CNTN4: variants seen among roughly 807,000 people sequenced by gnomAD.
The protein encoded by CNTN4 is contactin-4.
In CNTN4, 77 loss-of-function variants were observed where a neutral mutation model predicts 122.5. The ratio of observed to expected loss-of-function variants is 0.63; its 90% CI spans 0.52 to 0.76. The LOEUF is 0.76. Among genes scored for constraint, CNTN4 ranks in the 30% least tolerant of loss-of-function variants. The pLI, the probability that CNTN4 is intolerant of heterozygous loss-of-function variation, is 0.00. For synonymous variants in CNTN4, 512 were observed against 447.0 expected (o/e 1.15, Z -1.83); for missense variants, 1,256 against 1,259.1 (o/e 1.00, Z 0.04).
chr3:2,449,614 CAAAAAA>C (rs34181793), intron 3 of CNTN4, among the ~76,000 whole-genome samples: 2 of 126,034 alleles, frequency 1.6e-5, no homozygotes, highest in Non-Finnish European at 1.7e-5. Flanking sequence ...GACTCCATCT[CAAAAAA>C]AAAAAAAAAA....
rs376891716 is a variant in CNTN4 at position 2,565,197 on chromosome 3, C to G, written c.-88-6219C>G. On this transcript the variant is annotated intron_variant, in intron 3 of 24. Coordinates refer to ENST00000418658, the MANE Select transcript of CNTN4 (RefSeq NM_175607.3). ...CCTCTTGTTTAATAGATGTAGCTTC[C>G]CGAATATATCATCCAGGTCCCTTAT... 7.9e-5 allele frequency among the ~76,000 whole-genome samples: 12 copies of G among 152,164 alleles called. No homozygotes were observed. The East Asian group carries it at 1.7e-3, about 22-fold the overall frequency.
intron 3 of CNTN4, among the ~76,000 whole-genome samples, chr3:2,396,351 A>G (rs1176341089): frequency 2.0e-5 from 3 of 152,158 alleles, no homozygotes; most frequent in South Asian, 2.1e-4. Context: ...ATGAAGGATA[A>G]TGAGACATAA....
intron 7 of CNTN4, among the ~76,000 whole-genome samples, chr3:2,823,787 C>T (rs190897308): frequency 6.6e-5 from 10 of 152,272 alleles, no homozygotes; most frequent in Middle Eastern, 3.4e-3. Context: ...TCCTCACAAA[C>T]TGTTCATCAA....
chr3:2,961,231 CAA>C lies in CNTN4; in HGVS notation c.1359-27096_1359-27095del, dbSNP rs59790353. On this transcript the variant is annotated intron_variant, in intron 13 of 24. Transcript: ENST00000418658. ...GGCGACAGAACGAGACTCCATCTCA[CAA>C]AAAAAAAAAAAAAAAAAGGCCTACT... 5.3e-3 allele frequency among the ~76,000 whole-genome samples: 198 copies of C among 37,234 alleles called. 4 individuals are homozygous for C. Among genetic ancestry groups the C allele is most frequent in the African/African-American group, 7.8e-3 (78 of 10,030 alleles). 24.4% of individuals were successfully genotyped at this position (37,234 alleles called of 152,430 possible). A position where few individuals can be genotyped will look rare whatever the true frequency, so the allele number is the denominator to read the frequency against.
At chr3:2,881,246 C>T (rs1277518956) in intron 8 of CNTN4, among the ~76,000 whole-genome samples, 1 of 152,128 alleles carries the variant, frequency 6.6e-6, no homozygotes, top group Non-Finnish European at 1.5e-5. Context: ...GGTGCGGTGG[C>T]TCATGCCTGT....
chr3:2,254,372 G>A (rs1367952256), intron 2 of CNTN4, among the ~76,000 whole-genome samples: 1 of 152,182 alleles, frequency 6.6e-6, no homozygotes, highest in Non-Finnish European at 1.5e-5. Flanking sequence ...TGTCATTATA[G>A]TAGAATAATG....
intron 2 of CNTN4, chr3:2,239,078 C>G (rs959711846): frequency 6.6e-6 from 1 of 151,908 alleles, no homozygotes; most frequent in Non-Finnish European, 1.5e-5. Flanking sequence ...AGTGAGTCAA[C>G]CTAATACCTT....
At chr3:2,661,705 A>G (rs1454515455) in intron 4 of CNTN4, among the ~76,000 whole-genome samples, 1 of 150,338 alleles carries the variant, frequency 6.7e-6, no homozygotes, top group African/African-American at 2.5e-5. Flanking sequence ...CCAGCTGCTC[A>G]GGAGGCTGAG....
At chr3:2,354,856 C>G (rs932615522) in intron 3 of CNTN4, among the ~76,000 whole-genome samples, 7 of 152,190 alleles carry the variant, frequency 4.6e-5, no homozygotes, top group Non-Finnish European at 7.3e-5. Flanking sequence ...TCCCACTTGA[C>G]AAGCAGGCAT....
chr3:2,863,444 C>CTT (rs5846228), intron 7 of CNTN4, among the ~76,000 whole-genome samples: 33 of 92,358 alleles, frequency 3.6e-4, no homozygotes, highest in Admixed American at 7.3e-4. Flanking sequence ...ATGGTTTCTT[C>CTT]TTTTTTTTTT....
chr3:2,434,007 T>C (rs1383282329), intron 3 of CNTN4, among the ~76,000 whole-genome samples: 2 of 152,058 alleles, frequency 1.3e-5, no homozygotes, highest in East Asian at 3.9e-4. Context: ...GGGGAGGGAT[T>C]GGATAGGGAA....
chr3:2,923,873 C>G (rs2094450322), intron 12 of CNTN4, among the ~76,000 whole-genome samples: 1 of 152,072 alleles, frequency 6.6e-6, no homozygotes, highest in Non-Finnish European at 1.5e-5. Context: ...CTGACCCTAT[C>G]TTTTTCATAA....
intron 24 of CNTN4, among the ~76,000 whole-genome samples, chr3:3,054,503 A>C (rs1028587896): frequency 2.0e-5 from 3 of 152,242 alleles, no homozygotes; most frequent in African/African-American, 4.8e-5. Flanking sequence ...ATGTTGTTGA[A>C]TAGCATGGGA....
At chr3:2,104,989 C>T (rs10470644) in intron 2 of CNTN4, among the ~76,000 whole-genome samples, 3,414 of 152,218 alleles carry the variant, frequency 0.022, 142 homozygotes, top group African/African-American at 0.078. Context: ...AGCATGGGAA[C>T]CAGGTCTTGT....
At chr3:2,283,265 C>A (rs1246881143) in intron 2 of CNTN4, among the ~76,000 whole-genome samples, 1 of 152,014 alleles carries the variant, frequency 6.6e-6, no homozygotes, top group East Asian at 1.9e-4. Flanking sequence ...CATTGTAAGT[C>A]TCAATTTCAG....
chr3:2,602,286 A>G (rs529455940), intron 4 of CNTN4, among the ~76,000 whole-genome samples: 29 of 152,314 alleles, frequency 1.9e-4, no homozygotes, highest in African/African-American at 6.5e-4. Context: ...TCAATTAGGA[A>G]AAGATGTAGT....
At chr3:2,548,040 T>C (rs2078320578) in intron 3 of CNTN4, among the ~76,000 whole-genome samples, 1 of 152,162 alleles carries the variant, frequency 6.6e-6, no homozygotes, top group Non-Finnish European at 1.5e-5. Context: ...CCTGGTAGAT[T>C]CTGGATATTA....
chr3:2,660,495 A>G (rs564452926), intron 4 of CNTN4, among the ~76,000 whole-genome samples: 1 of 152,322 alleles, frequency 6.6e-6, no homozygotes, highest in Admixed American at 6.5e-5. Flanking sequence ...CTGTTAGACA[A>G]GTTCTGGGTT....
intron 4 of CNTN4, among the ~76,000 whole-genome samples, chr3:2,703,547 G>A (rs113932549): frequency 0.032 from 4,825 of 151,936 alleles, 187 homozygotes; most frequent in African/African-American, 0.089. Flanking sequence ...AATGATATAG[G>A]GTACTATGGG....
Sources: gnomAD v4.1 joint callset for allele counts (sites outside exome capture counted in the v4.1 genomes callset) on GRCh38, gnomAD v4.1.1 for gene constraint, MANE v1.5 for transcripts, NCBI Gene and HGNC (gene_info 2026-07-23, HGNC 2026-07-21) for gene names.